The following SUGCT variants were observed in gnomAD, a reference collection of about 807,000 sequenced individuals.
SUGCT encodes the protein succinyl-CoA:glutarate CoA-transferase.
In SUGCT, 41 loss-of-function variants were observed where a neutral mutation model predicts 55.0. The ratio of observed to expected loss-of-function variants is 0.74; its 90% CI spans 0.58 to 0.97. SUGCT has a LOEUF of 0.97. Ranked by LOEUF, SUGCT falls within the 50% of genes least tolerant of loss-of-function variation. The pLI is 0.00. For missense variants in SUGCT, 568 were observed against 547.8 expected, an observed-to-expected ratio of 1.04 and a Z score of -0.37; for synonymous variants, 187 against 200.4, an observed-to-expected ratio of 0.93 and a Z score of 0.56.
intron 12 of SUGCT, among the ~76,000 whole-genome samples, chr7:40,574,772 T>C (rs554277184): frequency 6.6e-6 from 1 of 152,326 alleles, no homozygotes; most frequent in South Asian, 2.1e-4. Flanking sequence ...ATGAATCAGC[T>C]TCCTACTTTT....
chr7:40,944,515 C>T, the SUGCT span, among the ~76,000 whole-genome samples: 3 of 151,906 alleles, frequency 2.0e-5, no homozygotes, highest in African/African-American at 4.8e-5. Flanking sequence ...CCAGTTTTCC[C>T]AGCACCATTT....
chr7:40,262,369 G>T (rs1341028586), intron 7 of SUGCT, among the ~76,000 whole-genome samples: 1 of 151,624 alleles, frequency 6.6e-6, no homozygotes, highest in Non-Finnish European at 1.5e-5. Flanking sequence ...AAGCCATACC[G>T]GCTGGGCGCG....
chr7:40,349,291 T>C (rs1337139736), intron 9 of SUGCT, among the ~76,000 whole-genome samples: 1 of 152,120 alleles, frequency 6.6e-6, no homozygotes, highest in African/African-American at 2.4e-5. Context: ...GTCTCTTGAT[T>C]TTTCCTTCCC....
the SUGCT span, among the ~76,000 whole-genome samples, chr7:41,031,047 C>T: frequency 6.6e-6 from 1 of 152,236 alleles, no homozygotes; most frequent in African/African-American, 2.4e-5. Flanking sequence ...CAGCAACTTC[C>T]GTCTCCCGGG....
intron 8 of SUGCT, among the ~76,000 whole-genome samples, chr7:40,292,649 C>T (rs1357823960): frequency 1.3e-5 from 2 of 151,870 alleles, no homozygotes; most frequent in Admixed American, 6.6e-5. Context: ...GTCTGTAGGC[C>T]CAGTTTGAGT....
intron 13 of SUGCT, among the ~76,000 whole-genome samples, chr7:40,853,584 C>G (rs762617871): frequency 3.3e-5 from 5 of 152,100 alleles, no homozygotes; most frequent in Non-Finnish European, 5.9e-5. Flanking sequence ...AGGCTGGTCT[C>G]GAACTCCTGA....
chr7:40,238,153 G>A (rs1306032388), intron 7 of SUGCT, among the ~76,000 whole-genome samples: 2 of 152,152 alleles, frequency 1.3e-5, no homozygotes, highest in Non-Finnish European at 2.9e-5. Context: ...CATCTGCCAT[G>A]TGTACATAGC....
At chr7:40,905,713 TTTC>T in the SUGCT span, among the ~76,000 whole-genome samples, 5 of 151,990 alleles carry the variant, frequency 3.3e-5, no homozygotes, top group African/African-American at 1.2e-4. Flanking sequence ...AAATTTTTTT[TTTC>T]TTTTTTTTTT....
intron 7 of SUGCT, among the ~76,000 whole-genome samples, chr7:40,255,980 G>A (rs1790788336): frequency 6.6e-6 from 1 of 152,150 alleles, no homozygotes; most frequent in African/African-American, 2.4e-5. Flanking sequence ...GTTGGGGGAT[G>A]GTCGGTGGAG....
intron 12 of SUGCT, among the ~76,000 whole-genome samples, chr7:40,669,346 C>CA (rs33947436): frequency 0.034 from 3,064 of 89,458 alleles, 57 homozygotes; most frequent in Admixed American, 0.045. Context: ...GTGTAAGCTT[C>CA]AAAAAAAAAA....
the SUGCT span, among the ~76,000 whole-genome samples, chr7:40,947,294 TA>T: frequency 6.1e-4 from 93 of 152,188 alleles, no homozygotes; most frequent in Non-Finnish European, 1.1e-3. Context: ...TTGGCTCTTT[TA>T]AAAAATAATT....
chr7:40,994,947 C>T, the SUGCT span, among the ~76,000 whole-genome samples: 2 of 152,202 alleles, frequency 1.3e-5, no homozygotes, highest in Admixed American at 1.3e-4. Flanking sequence ...GAAGCAGATG[C>T]TGGCACCATG....
At chr7:40,513,214 T>C (rs1238279507) in intron 12 of SUGCT, among the ~76,000 whole-genome samples, 1 of 152,190 alleles carries the variant, frequency 6.6e-6, no homozygotes, top group Non-Finnish European at 1.5e-5. Context: ...GTTCAACCTT[T>C]GTCTTATACC....
the SUGCT span, among the ~76,000 whole-genome samples, chr7:40,898,008 G>A: frequency 2.5e-4 from 38 of 152,194 alleles, no homozygotes; most frequent in South Asian, 3.5e-3. Context: ...GTTCCCTTCC[G>A]GTGTGAAAGG....
chr7:40,155,839 A>G (rs899318673), intron 1 of SUGCT, among the ~76,000 whole-genome samples: 1 of 151,232 alleles, frequency 6.6e-6, no homozygotes, highest in African/African-American at 2.4e-5. Flanking sequence ...GAGGATTTTT[A>G]CTTAGGATAC....
intron 12 of SUGCT, among the ~76,000 whole-genome samples, chr7:40,746,548 T>C (rs571451778): frequency 2.6e-5 from 4 of 152,316 alleles, no homozygotes; most frequent in Admixed American, 1.3e-4. Context: ...AGAATTTATA[T>C]TTTTGCTTAA....
At chr7:40,957,502 C>A in the SUGCT span, among the ~76,000 whole-genome samples, 2 of 123,456 alleles carry the variant, frequency 1.6e-5, no homozygotes, top group Non-Finnish European at 3.3e-5. Context: ...AAATCTTCCT[C>A]CATCCCTTTA....
intron 2 of SUGCT, 133 bp downstream of exon 2, chr7:40,181,131 A>G: frequency 1.4e-6 from 1 of 709,358 alleles, no homozygotes; most frequent in Admixed American, 2.5e-5. Context: ...GAAAAGAAAA[A>G]TTGCTGTAAT....
intron 9 of SUGCT, among the ~76,000 whole-genome samples, chr7:40,442,943 A>G (rs571915291): frequency 1.4e-4 from 21 of 152,196 alleles, no homozygotes; most frequent in East Asian, 1.2e-3. Context: ...TCATTGTTCA[A>G]TTACCACCTA....
Sources: gnomAD v4.1 joint callset for allele counts (sites outside exome capture counted in the v4.1 genomes callset) on GRCh38, gnomAD v4.1.1 for gene constraint, MANE v1.5 for transcripts, NCBI Gene and HGNC (gene_info 2026-07-23, HGNC 2026-07-21) for gene names.